The following ST3GAL3 variants were observed in gnomAD, a reference collection of about 807,000 sequenced individuals.
ST3GAL3 encodes the protein CMP-N-acetylneuraminate-beta-1,4-galactoside alpha-2,3-sialyltransferase.
A neutral mutation model predicts 50.1 loss-of-function variants in ST3GAL3; 21 were observed. The ratio of observed to expected loss-of-function variants is 0.42; its 90% CI spans 0.30 to 0.60. The LOEUF (loss-of-function observed/expected upper bound fraction) is 0.60. Among genes scored for constraint, ST3GAL3 ranks in the 20% least tolerant of loss-of-function variants. ST3GAL3 has a pLI of 0.19. For synonymous variants in ST3GAL3, 183 were observed against 190.0 expected (o/e 0.96, Z 0.30); for missense variants, 353 against 489.4 (o/e 0.72, Z 2.63).
chr1:43,758,173 C>CCCA (rs1491555216), intron 2 of ST3GAL3, among the ~76,000 whole-genome samples: 1 of 139,926 alleles, frequency 7.1e-6, no homozygotes, highest in African/African-American at 2.6e-5. Context: ...CCCCCCCCCC[C>CCCA]AAAAAAAAGG....
rs756863895 is a variant in ST3GAL3, at chr1:43,838,203, C to T, written c.210-16C>T. On this transcript the variant is annotated splice_polypyrimidine_tract_variant and intron_variant, in intron 4 of 11. Coordinates refer to ENST00000347631, the MANE Select transcript of ST3GAL3 (RefSeq NM_006279.5). ...TCAGTGCCTGGCAAGCTGTAACTTT[C>T]CTTCTCTTCCCATAGGCCTGCTGAA... 1 of 1,603,304 alleles carries T rather than the reference C, an allele frequency of 6.2e-7. No individual in the cohort carries two copies. Among genetic ancestry groups the T allele is most frequent in the Non-Finnish European group, 8.5e-7 (1 of 1,173,018 alleles).
At chr1:43,754,725 G>T (rs769324068) in intron 2 of ST3GAL3, among the ~76,000 whole-genome samples, 1 of 152,148 alleles carries the variant, frequency 6.6e-6, no homozygotes, top group African/African-American at 2.4e-5. Context: ...GGGAAGATGA[G>T]GCAGGAGGAT....
intron 1 of ST3GAL3, among the ~76,000 whole-genome samples, chr1:43,724,829 G>T (rs1181673036): frequency 6.6e-6 from 1 of 152,168 alleles, no homozygotes; most frequent in Non-Finnish European, 1.5e-5. Context: ...GCTGTATAAA[G>T]GTCAAATTGC....
At chr1:43,906,988 C>A (rs959141802) in intron 9 of ST3GAL3, among the ~76,000 whole-genome samples, 1 of 152,182 alleles carries the variant, frequency 6.6e-6, no homozygotes, top group Non-Finnish European at 1.5e-5. Flanking sequence ...GACCACCTAC[C>A]TTCCTGGTTA....
rs1694002622 is a variant in ST3GAL3, at chr1:43,768,656, A to G, written c.119-23446A>G. 2.6e-5 allele frequency among the ~76,000 whole-genome samples: 4 copies of G among 152,300 alleles called. No homozygotes were observed. In the South Asian group the frequency reaches 8.3e-4, roughly 32 times the overall value. On this transcript the variant is annotated intron_variant, in intron 2 of 11. Coordinates refer to ENST00000347631, the MANE Select transcript of ST3GAL3 (RefSeq NM_006279.5). ...CAAAAGTCCTGAGAATTTTGTGAAA[A>G]TAGATCCATTTCTAGAATAATATCC...
chr1:43,709,599 T>G (rs1570985025), intron 1 of ST3GAL3: 1 of 151,986 alleles, frequency 6.6e-6, no homozygotes, highest in Admixed American at 6.6e-5. Context: ...CAGGCTGTTC[T>G]TGAACTCCTG....
intron 5 of ST3GAL3, among the ~76,000 whole-genome samples, chr1:43,874,581 A>G (rs1393865911): frequency 1.3e-5 from 2 of 152,224 alleles, no homozygotes; most frequent in African/African-American, 4.8e-5. Context: ...GCCTATGGGG[A>G]TAATCCAGAA....
chr1:43,716,866 A>G (rs1571213751), intron 1 of ST3GAL3, among the ~76,000 whole-genome samples: 2 of 152,206 alleles, frequency 1.3e-5, no homozygotes, highest in East Asian at 1.9e-4. Flanking sequence ...CATCCCGTAC[A>G]TCCCCTCTTT....
chr1:43,834,973 A>G (rs998587740), intron 4 of ST3GAL3, among the ~76,000 whole-genome samples: 1 of 152,178 alleles, frequency 6.6e-6, no homozygotes, highest in African/African-American at 2.4e-5. Context: ...TTCTGAGTGA[A>G]GCAGGAGAGT....
Position 43,920,936 on chromosome 1 carries a change from G to C in ST3GAL3, c.1038+8G>C, listed in dbSNP as rs1439489205. The C allele has an allele frequency of 2.5e-6, 4 of 1,605,468 alleles. No homozygotes were observed. The highest frequency in any genetic ancestry group is 2.7e-5 in the African/African-American group (2 of 74,764). Reference sequence around the variant, plus strand: ...ATGGCAGCCATCAAAGAGGTTCGGGGCTGGGTATGGGGGCAATCCCTGGGT... The same window carrying C: ...ATGGCAGCCATCAAAGAGGTTCGGGCCTGGGTATGGGGGCAATCCCTGGGT... On this transcript the variant is annotated splice_region_variant and intron_variant, in intron 11 of 11. Coordinates refer to ENST00000347631, the MANE Select transcript of ST3GAL3 (RefSeq NM_006279.5).
chr1:43,792,081 A>G (rs2058150014), intron 2 of ST3GAL3, 21 bp from the exon 3 acceptor site: 6 of 1,614,112 alleles, frequency 3.7e-6, no homozygotes, highest in Middle Eastern at 1.6e-4. Flanking sequence ...AAAGAAATGA[A>G]CTTGTCCTCT....
chr1:43,813,472 T>A (rs542351429), intron 3 of ST3GAL3, among the ~76,000 whole-genome samples: 1 of 152,378 alleles, frequency 6.6e-6, no homozygotes, highest in African/African-American at 2.4e-5. Context: ...TTCGCCTGCG[T>A]TAGAGCAAAA....
At chr1:43,849,527 T>C (rs981948525) in intron 5 of ST3GAL3, among the ~76,000 whole-genome samples, 2 of 152,268 alleles carry the variant, frequency 1.3e-5, no homozygotes, top group African/African-American at 4.8e-5. Context: ...TTGATTGTGC[T>C]TATTAAAAAT....
chr1:43,790,288 G>A (rs2057890939), intron 2 of ST3GAL3, among the ~76,000 whole-genome samples: 1 of 152,182 alleles, frequency 6.6e-6, no homozygotes, highest in South Asian at 2.1e-4. Context: ...CAGATGTTAT[G>A]TACAGTTATG....
At chr1:43,906,174 T>C (rs1403661889) in intron 9 of ST3GAL3, among the ~76,000 whole-genome samples, 10 of 68,508 alleles carry the variant, frequency 1.5e-4, no homozygotes, top group Admixed American at 5.2e-4. Flanking sequence ...TTCCCCTTCC[T>C]GCCACTCTTC....
intron 2 of ST3GAL3, among the ~76,000 whole-genome samples, chr1:43,762,971 G>A (rs1052817601): frequency 3.3e-5 from 5 of 152,102 alleles, no homozygotes; most frequent in African/African-American, 7.2e-5. Flanking sequence ...TCAAGAAGTC[G>A]TGCAAAGGCA....
At chr1:43,841,876 T>C (rs1444362883) in intron 5 of ST3GAL3, 3 of 152,236 alleles carry the variant, frequency 2.0e-5, no homozygotes, top group South Asian at 4.1e-4. Context: ...TAAATATAAA[T>C]TCCAACTTTA....
chr1:43,925,455 T>TA (rs904778463), intron 11 of ST3GAL3, among the ~76,000 whole-genome samples: 6 of 152,110 alleles, frequency 3.9e-5, no homozygotes, highest in Non-Finnish European at 7.4e-5. Flanking sequence ...TGATCATGTG[T>TA]AAAAAAGGCC....
chr1:43,822,004 G>A (rs2062164338), intron 4 of ST3GAL3, among the ~76,000 whole-genome samples: 1 of 152,240 alleles, frequency 6.6e-6, no homozygotes, highest in Non-Finnish European at 1.5e-5. Flanking sequence ...AAGGTGATAA[G>A]TGCTGTGAAA....
Sources: gnomAD v4.1 joint callset for allele counts (sites outside exome capture counted in the v4.1 genomes callset) on GRCh38, gnomAD v4.1.1 for gene constraint, MANE v1.5 for transcripts, NCBI Gene and HGNC (gene_info 2026-07-23, HGNC 2026-07-21) for gene names.